The following ALDH1L1 variants were observed in gnomAD, a reference collection of about 807,000 sequenced individuals.
ALDH1L1 encodes aldehyde dehydrogenase 1 family member L1.
Under a neutral mutation model 101.1 loss-of-function variants are expected in ALDH1L1, and 68 were observed. The ratio of observed to expected loss-of-function variants is 0.67; its 90% CI spans 0.55 to 0.82. The LOEUF (loss-of-function observed/expected upper bound fraction) is 0.82, where lower values mean the gene tolerates loss of function less well. ALDH1L1 is among the 40% of genes least tolerant of loss of function. The pLI, the probability that ALDH1L1 is intolerant of heterozygous loss-of-function variation, is 0.00. For missense variants in ALDH1L1, 1,087 were observed against 1,172.7 expected, an observed-to-expected ratio of 0.93 and a Z score of 1.07; for synonymous variants, 486 against 470.8, an observed-to-expected ratio of 1.03 and a Z score of -0.42.
At chr3:126,109,901 C>A in intron 20 of ALDH1L1, 43 bp downstream of exon 20, 1 of 1,604,930 alleles carries the variant, frequency 6.2e-7, no homozygotes, top group South Asian at 1.1e-5. Flanking sequence ...ATGGGACCTG[C>A]TGCCTCAATT....
intron 1 of ALDH1L1, among the ~76,000 whole-genome samples, chr3:126,172,754 T>C (rs895942474): frequency 6.6e-6 from 1 of 151,392 alleles, no homozygotes; most frequent in African/African-American, 2.4e-5. Context: ...AGGATAAAGA[T>C]CACCCCCCAC....
At position 126,122,651 on chromosome 3, in the gene ALDH1L1, T is replaced by G. The variant is rs112635225; in HGVS notation, c.1888+1713A>C. ...GTAACATATATAGATGTTATATGTG[T>G]ACAAAAATACATGATCCTAGCACAA... On this transcript the variant is annotated intron_variant, in intron 16 of 22. Coordinates refer to ENST00000393434, the MANE Select transcript of ALDH1L1 (RefSeq NM_012190.4). Among the ~76,000 whole-genome samples the G allele has an allele frequency of 4.4e-3, 667 of 152,294 alleles. 10 individuals carry two copies. Among genetic ancestry groups the G allele is most frequent in the African/African-American group, 0.015 (630 of 41,560 alleles).
intron 19 of ALDH1L1, 176 bp from the exon 20 acceptor site, chr3:126,110,285 C>T (rs932270523): frequency 2.6e-6 from 2 of 779,044 alleles, no homozygotes; most frequent in African/African-American, 1.7e-5. Flanking sequence ...TCCCAAATGG[C>T]TCCTATGTGT....
chr3:126,112,256 G>A (rs547100067), intron 19 of ALDH1L1, among the ~76,000 whole-genome samples: 76 of 152,282 alleles, frequency 5.0e-4, no homozygotes, highest in African/African-American at 8.4e-4. Context: ...AGAGCCTGAC[G>A]GGAGCTACTC....
chr3:126,189,074 A>T (rs2081537558), intron 1 of ALDH1L1, among the ~76,000 whole-genome samples: 1 of 152,224 alleles, frequency 6.6e-6, no homozygotes, highest in Admixed American at 6.5e-5. Context: ...AAATCAAAGC[A>T]GGAGTTTTGT....
chr3:126,132,842 T>G (rs867305519), intron 12 of ALDH1L1, among the ~76,000 whole-genome samples: 46 of 152,346 alleles, frequency 3.0e-4, no homozygotes, highest in African/African-American at 1.0e-3. Context: ...GGCAGGGCGC[T>G]GTCTGGTTCC....
intron 1 of ALDH1L1, among the ~76,000 whole-genome samples, chr3:126,170,571 A>C (rs1273543994): frequency 1.3e-5 from 2 of 152,168 alleles, no homozygotes; most frequent in Non-Finnish European, 2.9e-5. Context: ...GCCATTTCGC[A>C]ACTACCCAAA....
intron 8 of ALDH1L1, 145 bp from the exon 9 acceptor site, chr3:126,147,071 C>T: frequency 1.4e-6 from 1 of 729,298 alleles, no homozygotes; most frequent in East Asian, 2.7e-5. Context: ...TGCCTCATCC[C>T]AGGAGGCTTA....
chr3:126,155,838 CT>C, intron 4 of ALDH1L1: 1 of 174,836 alleles, frequency 5.7e-6, no homozygotes, highest in African/African-American at 2.4e-5. Flanking sequence ...CCTTCTCTGC[CT>C]TTAAAGAGAG....
Position 126,111,278 on chromosome 3 carries a change from C to G in ALDH1L1, c.2182-1169G>C, listed in dbSNP as rs73859017. On this transcript the variant is annotated intron_variant, in intron 19 of 22. Coordinates refer to ENST00000393434, the MANE Select transcript of ALDH1L1 (RefSeq NM_012190.4). ...AGCACAATGCATGGAAGCAATGTTT[C>G]GTGCATTTCAAGAGGCCTCTCAACT... 5.2e-3 allele frequency among the ~76,000 whole-genome samples: 796 copies of G among 152,368 alleles called. 7 individuals are homozygous for G. The highest frequency in any genetic ancestry group is 0.018 in the African/African-American group (742 of 41,592).
At chr3:126,126,889 T>C (rs2080197918) in intron 14 of ALDH1L1, among the ~76,000 whole-genome samples, 1 of 152,086 alleles carries the variant, frequency 6.6e-6, no homozygotes, top group South Asian at 2.1e-4. Context: ...GCTGTCCTCA[T>C]ACAAAGAACA....
At chr3:126,115,068 G>A (rs922198346) in intron 17 of ALDH1L1, 18 of 456,850 alleles carry the variant, frequency 3.9e-5, no homozygotes, top group African/African-American at 8.0e-5. Context: ...GGGCAGGCAC[G>A]CATCTGTCTG....
intron 7 of ALDH1L1, chr3:126,150,928 G>T: frequency 4.9e-6 from 1 of 204,746 alleles, no homozygotes; most frequent in Non-Finnish European, 9.9e-6. Flanking sequence ...AAGGGGTGCT[G>T]TGCTGGGCGC....
intron 1 of ALDH1L1, among the ~76,000 whole-genome samples, chr3:126,188,945 G>T (rs71327758): frequency 0.18 from 26,615 of 151,716 alleles, 2,925 homozygotes; most frequent in Middle Eastern, 0.29. Context: ...CCTGTTTGTT[G>T]TTTTTTTGTG....
At chr3:126,169,610 T>C (rs113434035) in intron 1 of ALDH1L1, among the ~76,000 whole-genome samples, 231 of 152,280 alleles carry the variant, frequency 1.5e-3, no homozygotes, top group African/African-American at 5.0e-3. Context: ...CCCCAAGTTA[T>C]CTTAAAACCT....
chr3:126,137,866 A>G lies in ALDH1L1; in HGVS notation c.1171T>C (p.Leu391=), dbSNP rs1251701135. The change falls in exon 10 of 23, where the codon TTA becomes CTA. Residue 391 remains leucine, a synonymous_variant. Transcript: ENST00000393434. The part of the protein sequence containing the change: ...ASTFGDFIQL[L]VRKLRGDDEE... The stretch of plus-strand genomic sequence containing the variant: ...TCGTCCCCTCGCAGCTTCCTCACTA[A>G]CAGCTGGATGAAGTCCCCAAAGGTG... 3 of 1,614,150 alleles carry G rather than the reference A, an allele frequency of 1.9e-6. No individual in the cohort carries two copies.
At chr3:126,191,666 T>C (rs1385752085) in intron 1 of ALDH1L1, among the ~76,000 whole-genome samples, 2 of 152,240 alleles carry the variant, frequency 1.3e-5, no homozygotes, top group Admixed American at 6.5e-5. Context: ...CACTGTCTTT[T>C]AGCTGTAGGC....
intron 9 of ALDH1L1, among the ~76,000 whole-genome samples, chr3:126,141,907 C>A (rs1460964851): frequency 6.6e-6 from 1 of 151,750 alleles, no homozygotes; most frequent in Non-Finnish European, 1.5e-5. Context: ...TCAACAAAAT[C>A]AAATTTAGAT....
intron 9 of ALDH1L1, among the ~76,000 whole-genome samples, chr3:126,141,095 T>A (rs2080558557): frequency 6.6e-6 from 1 of 151,956 alleles, no homozygotes; most frequent in Non-Finnish European, 1.5e-5. Flanking sequence ...AGTAAAAGGA[T>A]AGAGAAAATA....
Sources: gnomAD v4.1 joint callset for allele counts (sites outside exome capture counted in the v4.1 genomes callset) on GRCh38, gnomAD v4.1.1 for gene constraint, MANE v1.5 for transcripts, NCBI Gene and HGNC (gene_info 2026-07-23, HGNC 2026-07-21) for gene names.